Variants in ADGRL2 observed in about 807,000 individuals in gnomAD.
The protein encoded by ADGRL2 is calcium-independent alpha-latrotoxin receptor 2.
Under a neutral mutation model 157.4 loss-of-function variants are expected in ADGRL2, and 44 were observed. That is an observed-to-expected ratio of 0.28 (90% CI 0.22 to 0.36). The LOEUF (loss-of-function observed/expected upper bound fraction) is 0.36, where lower values mean the gene tolerates loss of function less well. Ranked by LOEUF, ADGRL2 falls within the 10% of genes least tolerant of loss-of-function variation. The pLI is 1.00. For missense variants in ADGRL2, 1,510 were observed against 1,768.9 expected (o/e 0.85, Z 2.63); for synonymous variants, 585 against 624.7 (o/e 0.94, Z 0.95).
intron 2 of ADGRL2, among the ~76,000 whole-genome samples, chr1:81,873,326 A>AT (rs2093747417): frequency 6.6e-6 from 1 of 151,972 alleles, no homozygotes; most frequent in African/African-American, 2.4e-5. Flanking sequence ...GCCTCTTTTT[A>AT]TTTTTTTGCT....
intron 2 of ADGRL2, among the ~76,000 whole-genome samples, chr1:81,532,324 T>G (rs1311528074): frequency 6.6e-6 from 1 of 152,192 alleles, no homozygotes; most frequent in Non-Finnish European, 1.5e-5. Context: ...TTTCCTCTAC[T>G]TTACTTTTCC....
intron 3 of ADGRL2, among the ~76,000 whole-genome samples, chr1:81,932,547 A>C (rs1473366516): frequency 1.3e-5 from 2 of 152,150 alleles, no homozygotes; most frequent in Non-Finnish European, 2.9e-5. Flanking sequence ...AAGTATCTAA[A>C]CCTATCTCGT....
chr1:81,647,369 T>C (rs1397836342), intron 3 of ADGRL2, among the ~76,000 whole-genome samples: 2 of 152,082 alleles, frequency 1.3e-5, no homozygotes, highest in African/African-American at 4.8e-5. Context: ...ATCTGAAAAT[T>C]TGAAATCTGA....
intron 2 of ADGRL2, among the ~76,000 whole-genome samples, chr1:81,447,462 C>A (rs756648974): frequency 6.6e-6 from 1 of 151,970 alleles, no homozygotes; most frequent in Non-Finnish European, 1.5e-5. Flanking sequence ...GTGTAAGAAG[C>A]AAAAATGGGT....
intron 3 of ADGRL2, among the ~76,000 whole-genome samples, chr1:81,912,917 G>A (rs2094766548): frequency 6.6e-6 from 1 of 152,180 alleles, no homozygotes; most frequent in African/African-American, 2.4e-5. Flanking sequence ...GGAGCCAGAT[G>A]ATGAATAAAT....
chr1:81,963,922 T>C (rs888069715), intron 11 of ADGRL2, among the ~76,000 whole-genome samples: 1 of 151,256 alleles, frequency 6.6e-6, no homozygotes, highest in African/African-American at 2.4e-5. Context: ...AGTTTTTTAA[T>C]GGTCATAAAC....
intron 1 of ADGRL2, among the ~76,000 whole-genome samples, chr1:81,418,253 A>G (rs1277679522): frequency 2.6e-5 from 4 of 152,224 alleles, no homozygotes; most frequent in African/African-American, 7.2e-5. Flanking sequence ...TCGCAACACT[A>G]TTTTAAAATA....
At chr1:81,615,344 A>G (rs988905103) in intron 3 of ADGRL2, among the ~76,000 whole-genome samples, 1 of 152,220 alleles carries the variant, frequency 6.6e-6, no homozygotes, top group African/African-American at 2.4e-5. Flanking sequence ...GCGGCAACCC[A>G]CTTGGGTCCC....
At chr1:81,721,665 C>A in intron 1 of ADGRL2, 1 of 1,038,760 alleles carries the variant, frequency 9.6e-7, no homozygotes, top group Admixed American at 1.8e-5. Context: ...GGCTGCAGCT[C>A]TTCAGCTTCG....
At chr1:81,882,381 A>G (rs560418051) in intron 2 of ADGRL2, among the ~76,000 whole-genome samples, 3 of 152,196 alleles carry the variant, frequency 2.0e-5, no homozygotes, top group East Asian at 3.9e-4. Flanking sequence ...AATTAATTTT[A>G]TCTTAAAAAC....
At chr1:81,562,341 T>C (rs1176232269) in intron 2 of ADGRL2, among the ~76,000 whole-genome samples, 1 of 152,180 alleles carries the variant, frequency 6.6e-6, no homozygotes, top group African/African-American at 2.4e-5. Flanking sequence ...CAAGTATGTC[T>C]ATAAATCCAC....
intron 3 of ADGRL2, among the ~76,000 whole-genome samples, chr1:81,680,525 T>A (rs1227978419): frequency 6.6e-6 from 1 of 152,060 alleles, no homozygotes; most frequent in African/African-American, 2.4e-5. Flanking sequence ...CTGGCATGCT[T>A]ACACTGATGA....
In ADGRL2 at chr1:81,700,950, C is replaced by T. The variant is rs929613570; in HGVS notation, c.-143+1142C>T. ...AGTGCCAGCTCTGTGTATAATTACA[C>T]AGCATGAGAGTTTGCATGCAAATGC... On this transcript the variant is annotated intron_variant, in intron 1 of 20. Coordinates refer to the ADGRL2 transcript ENST00000359929. Among the ~76,000 whole-genome samples the T allele has an allele frequency of 2.0e-5, 3 of 152,330 alleles. No individual in the cohort carries two copies. In the South Asian group the frequency reaches 6.2e-4, roughly 32 times the overall value.
chr1:81,432,974 T>C (rs2077348651), intron 1 of ADGRL2, among the ~76,000 whole-genome samples: 1 of 152,174 alleles, frequency 6.6e-6, no homozygotes, highest in Non-Finnish European at 1.5e-5. Flanking sequence ...AATATGTACC[T>C]TGGGCTTGCC....
intron 2 of ADGRL2, among the ~76,000 whole-genome samples, chr1:81,449,934 G>A (rs914294175): frequency 2.6e-5 from 4 of 152,110 alleles, no homozygotes; most frequent in Non-Finnish European, 5.9e-5. Flanking sequence ...TGTGTGCAAA[G>A]CTCAATGAGT....
intron 1 of ADGRL2, among the ~76,000 whole-genome samples, chr1:81,418,517 C>T (rs370856174): frequency 3.4e-4 from 51 of 152,154 alleles, no homozygotes; most frequent in Middle Eastern, 6.8e-3. Context: ...TTTGGGAGGC[C>T]GAGGCAGGCA....
At chr1:81,874,230 C>A (rs1399585451) in intron 2 of ADGRL2, among the ~76,000 whole-genome samples, 1 of 152,052 alleles carries the variant, frequency 6.6e-6, no homozygotes, top group African/African-American at 2.4e-5. Flanking sequence ...AGCTTTAAGC[C>A]CTTCTGAAGA....
chr1:81,905,244 T>C (rs1020669658), intron 2 of ADGRL2, among the ~76,000 whole-genome samples: 1 of 151,902 alleles, frequency 6.6e-6, no homozygotes, highest in African/African-American at 2.4e-5. Context: ...ATTACAGGCA[T>C]GCGCCACCAC....
chr1:81,972,557 A>G (rs1659048947), intron 17 of ADGRL2, among the ~76,000 whole-genome samples: 1 of 152,140 alleles, frequency 6.6e-6, no homozygotes, highest in Admixed American at 6.6e-5. Context: ...CCTTAGTCAC[A>G]TTTGAGATAT....
Sources: allele counts gnomAD v4.1 joint callset (sites outside exome capture counted in the v4.1 genomes callset), GRCh38; gene constraint gnomAD v4.1.1; transcripts MANE v1.5; gene names NCBI Gene and HGNC (gene_info 2026-07-23, HGNC 2026-07-21).